Variants in CCDC191 observed in about 807,000 individuals in gnomAD.
CCDC191 encodes the protein coiled-coil domain-containing protein 191.
In CCDC191, 99 loss-of-function variants were observed where a neutral mutation model predicts 114.0. That is an observed-to-expected ratio of 0.87 (90% CI 0.74 to 1.03). The LOEUF (loss-of-function observed/expected upper bound fraction) is 1.03. Ranked by LOEUF, CCDC191 falls within the 50% of genes least tolerant of loss-of-function variation. CCDC191 has a pLI of 0.00. For synonymous variants in CCDC191, 351 were observed against 376.0 expected (o/e 0.93, Z 0.77); for missense variants, 973 against 1,087.0 (o/e 0.90, Z 1.47).
At chr3:113,966,472 C>T (rs2107544107) in intron 16 of CCDC191, among the ~76,000 whole-genome samples, 1 of 152,274 alleles carries the variant, frequency 6.6e-6, no homozygotes, top group African/African-American at 2.4e-5. Flanking sequence ...GAGGACTACC[C>T]AGTCTGGTGG....
chr3:114,050,601 G>C (rs1018821872), intron 2 of CCDC191, among the ~76,000 whole-genome samples: 4 of 152,198 alleles, frequency 2.6e-5, no homozygotes, highest in Non-Finnish European at 5.9e-5. Context: ...GAGTATTCCA[G>C]GCTGAGGGAT....
At chr3:114,052,017 C>T (rs2076704458) in intron 2 of CCDC191, among the ~76,000 whole-genome samples, 2 of 152,120 alleles carry the variant, frequency 1.3e-5, no homozygotes. Flanking sequence ...ACAACAGTTT[C>T]TGTGGAATGG....
chr3:113,994,685 G>C (rs983165424), intron 13 of CCDC191, among the ~76,000 whole-genome samples: 15 of 150,598 alleles, frequency 1.0e-4, no homozygotes, highest in Non-Finnish European at 1.6e-4. Flanking sequence ...CTGAGCTCAA[G>C]CGATCCTCCC....
intron 16 of CCDC191, among the ~76,000 whole-genome samples, chr3:113,968,670 G>A (rs1186495539): frequency 6.6e-6 from 1 of 151,088 alleles, no homozygotes; most frequent in African/African-American, 2.4e-5. Context: ...ATGTTGCCCA[G>A]GCTGGTCTTG....
chr3:114,041,430 A>G (rs2076558258), intron 4 of CCDC191, among the ~76,000 whole-genome samples: 1 of 152,230 alleles, frequency 6.6e-6, no homozygotes, highest in Admixed American at 6.5e-5. Flanking sequence ...GTAAAACGTT[A>G]CTGAAGACAA....
At chr3:114,049,764 C>G (rs959719791) in intron 2 of CCDC191, among the ~76,000 whole-genome samples, 1 of 152,162 alleles carries the variant, frequency 6.6e-6, no homozygotes, top group East Asian at 1.9e-4. Context: ...AAGGACTATA[C>G]ATAATCTCTA....
chr3:114,042,975 T>C, intron 3 of CCDC191, 129 bp from the exon 4 acceptor site: 1 of 811,732 alleles, frequency 1.2e-6, no homozygotes, highest in Non-Finnish European at 1.9e-6. Flanking sequence ...GATACTGGAA[T>C]ACAACAGTGA....
chr3:114,003,108 T>G (rs946652797), intron 11 of CCDC191: 2 of 985,318 alleles, frequency 2.0e-6, no homozygotes, highest in African/African-American at 3.5e-5. Context: ...TACCAGGCAT[T>G]TGGAGAACTG....
intron 16 of CCDC191, among the ~76,000 whole-genome samples, chr3:113,970,119 G>T (rs1940648728): frequency 1.3e-5 from 2 of 152,022 alleles, no homozygotes; most frequent in Non-Finnish European, 2.9e-5. Flanking sequence ...TAGTTAAGGT[G>T]GGATTGTTTT....
intron 7 of CCDC191, among the ~76,000 whole-genome samples, chr3:114,020,576 A>G (rs916523560): frequency 6.6e-6 from 1 of 152,136 alleles, no homozygotes; most frequent in Admixed American, 6.6e-5. Flanking sequence ...TTTCAGTTGT[A>G]ATAGGGAGAA....
chr3:114,006,613 T>TATAA (rs2075971081), intron 9 of CCDC191, among the ~76,000 whole-genome samples: 1 of 91,186 alleles, frequency 1.1e-5, no homozygotes, highest in Middle Eastern at 6.8e-3. Flanking sequence ...TATATATATA[T>TATAA]ATATAAATAT....
chr3:113,975,433 T>TAAAG (rs1941245981), intron 16 of CCDC191, among the ~76,000 whole-genome samples: 2 of 152,218 alleles, frequency 1.3e-5, no homozygotes, highest in African/African-American at 4.8e-5. Flanking sequence ...AAGCCCCTTT[T>TAAAG]AAAGACTGGT....
intron 3 of CCDC191, 148 bp from the exon 4 acceptor site, chr3:114,042,994 G>GA: frequency 1.5e-6 from 1 of 649,258 alleles, no homozygotes; most frequent in Admixed American, 4.0e-5. Context: ...GAACAAAACT[G>GA]AAAAAATAAG....
At chr3:113,982,868 A>AAC (rs1553741931) in intron 13 of CCDC191, among the ~76,000 whole-genome samples, 110 of 151,668 alleles carry the variant, frequency 7.3e-4, no homozygotes, top group African/African-American at 2.5e-3. Flanking sequence ...AAAAAAAAAA[A>AAC]AACCAAAAAT....
chr3:114,030,823 C>T (rs1411881367), intron 7 of CCDC191, among the ~76,000 whole-genome samples: 2 of 152,176 alleles, frequency 1.3e-5, no homozygotes, highest in African/African-American at 2.4e-5. Context: ...TTTTCTCTTG[C>T]TAAATCCATT....
intron 7 of CCDC191, among the ~76,000 whole-genome samples, chr3:114,020,125 T>C (rs2076222574): frequency 6.6e-6 from 1 of 152,146 alleles, no homozygotes; most frequent in South Asian, 2.1e-4. Flanking sequence ...CAGGCAAATA[T>C]TTACTGCTTC....
At chr3:113,991,000 G>C (rs1281707001) in intron 13 of CCDC191, among the ~76,000 whole-genome samples, 1 of 148,204 alleles carries the variant, frequency 6.7e-6, no homozygotes, top group African/African-American at 2.5e-5. Context: ...CACTTTGGGA[G>C]ACTGAAGTGG....
intron 13 of CCDC191, among the ~76,000 whole-genome samples, chr3:113,985,485 G>A (rs1370160684): frequency 1.3e-5 from 2 of 152,142 alleles, no homozygotes; most frequent in Non-Finnish European, 2.9e-5. Context: ...AAGGGAAAAA[G>A]GGGGCAGAAA....
chr3:114,053,014 A>T (rs963304645), intron 2 of CCDC191, among the ~76,000 whole-genome samples: 1 of 152,198 alleles, frequency 6.6e-6, no homozygotes, highest in African/African-American at 2.4e-5. Context: ...TCAAAAATAC[A>T]TATCTCAGGC....
Sources: gnomAD v4.1 joint callset for allele counts (sites outside exome capture counted in the v4.1 genomes callset) on GRCh38, gnomAD v4.1.1 for gene constraint, MANE v1.5 for transcripts, NCBI Gene and HGNC (gene_info 2026-07-23, HGNC 2026-07-21) for gene names.